The following CMIP variants were observed in gnomAD, a reference collection of about 807,000 sequenced individuals.
CMIP encodes the protein c-Maf inducing protein.
A neutral mutation model predicts 97.3 loss-of-function variants in CMIP; 13 were observed. The observed-to-expected ratio is 0.13, with a 90% CI of 0.09 to 0.21. CMIP has a LOEUF of 0.21. CMIP is among the 10% of genes least tolerant of loss of function. The probability of loss-of-function intolerance (pLI) is 1.00; values close to 1 mark genes in which losing one functional copy is unlikely to be tolerated. For synonymous variants in CMIP, 538 were observed against 436.3 expected (o/e 1.23, Z -2.91); for missense variants, 847 against 1,024.9 (o/e 0.83, Z 2.37).
chr16:81,699,623 A>G (rs902002213), intron 14 of CMIP, 62 bp from the exon 15 acceptor site: 2 of 1,106,078 alleles, frequency 1.8e-6, no homozygotes, highest in African/African-American at 3.1e-5. Flanking sequence ...ACTTCCTGCC[A>G]GCACGCTGGA....
chr16:81,485,789 G>A (rs1460995754), intron 1 of CMIP, among the ~76,000 whole-genome samples: 5 of 152,218 alleles, frequency 3.3e-5, no homozygotes, highest in Non-Finnish European at 1.5e-5. Flanking sequence ...ATTCCCAAAT[G>A]CAGAAGGGGA....
chr16:81,703,142 C>T (rs10454070), intron 17 of CMIP, among the ~76,000 whole-genome samples: 63,164 of 151,964 alleles, frequency 0.42, 13,708 homozygotes, highest in Middle Eastern at 0.49. Flanking sequence ...GGCTCCAGAC[C>T]TCTTGTCTCC....
chr16:81,608,173 G>C (rs2091775115), intron 2 of CMIP, among the ~76,000 whole-genome samples: 1 of 152,208 alleles, frequency 6.6e-6, no homozygotes, highest in Non-Finnish European at 1.5e-5. Flanking sequence ...AGTGCATTCT[G>C]TATGTACTGG....
chr16:81,469,964 G>A (rs180960184), intron 1 of CMIP, among the ~76,000 whole-genome samples: 3 of 152,284 alleles, frequency 2.0e-5, no homozygotes, highest in Admixed American at 2.0e-4. Flanking sequence ...GCAGCAGCAG[G>A]TAAAGAGCAG....
chr16:81,676,916 A>G (rs1479700630), intron 9 of CMIP, among the ~76,000 whole-genome samples: 1 of 152,094 alleles, frequency 6.6e-6, no homozygotes, highest in African/African-American at 2.4e-5. Flanking sequence ...CATGTGACAC[A>G]TGTGGGGAAG....
chr16:81,609,609 T>A (rs1268847799), intron 2 of CMIP, among the ~76,000 whole-genome samples: 2 of 152,192 alleles, frequency 1.3e-5, no homozygotes, highest in African/African-American at 4.8e-5. Context: ...CGTGGAGGAC[T>A]GGGAGCCCAG....
At chr16:81,445,565 C>A in intron 1 of CMIP, 24 bp downstream of exon 1, 1 of 1,534,384 alleles carries the variant, frequency 6.5e-7, no homozygotes, top group Non-Finnish European at 8.8e-7. Context: ...CGCGGCTGCA[C>A]CCCCGCCTCT....
chr16:81,613,505 G>T (rs1253756297), intron 2 of CMIP, among the ~76,000 whole-genome samples: 1 of 150,912 alleles, frequency 6.6e-6, no homozygotes, highest in Non-Finnish European at 1.5e-5. Flanking sequence ...ACAGCAGGAA[G>T]AACCTCTCTG....
chr16:81,470,852 G>A (rs909202165), intron 1 of CMIP, among the ~76,000 whole-genome samples: 3 of 152,218 alleles, frequency 2.0e-5, no homozygotes, highest in Non-Finnish European at 4.4e-5. Flanking sequence ...TGATCTCTTC[G>A]CTGTAGCCCT....
chr16:81,626,220 T>TGAGAATGTGTGTGA (rs1481363440), intron 3 of CMIP, among the ~76,000 whole-genome samples: 6 of 151,364 alleles, frequency 4.0e-5, no homozygotes, highest in Non-Finnish European at 7.4e-5. Flanking sequence ...TGTGTGCGCG[T>TGAGAATGTGTGTGA]GAGAATGTGT....
chr16:81,510,173 C>T (rs1177112799), intron 1 of CMIP, among the ~76,000 whole-genome samples: 1 of 152,146 alleles, frequency 6.6e-6, no homozygotes, highest in Admixed American at 6.5e-5. Context: ...TGCGGGGCTG[C>T]CACCCTCTTT....
At chr16:81,619,853 C>CA (rs2091969926) in intron 2 of CMIP, 1 of 152,130 alleles carries the variant, frequency 6.6e-6, no homozygotes, top group Non-Finnish European at 1.5e-5. Context: ...TGAGCCAGTC[C>CA]ACACACAGGA....
At chr16:81,592,401 C>T (rs189732979) in intron 1 of CMIP, among the ~76,000 whole-genome samples, 14 of 152,276 alleles carry the variant, frequency 9.2e-5, no homozygotes, top group African/African-American at 2.2e-4. Flanking sequence ...GAATGCCTGG[C>T]GCTCCCCTCC....
At chr16:81,664,187 T>C in intron 6 of CMIP, 82 bp from the exon 7 acceptor site, 1 of 1,340,762 alleles carries the variant, frequency 7.5e-7, no homozygotes, top group Non-Finnish European at 1.0e-6. Flanking sequence ...CTGGGCTGAC[T>C]GTCCCCAGCC....
At chr16:81,661,627 G>A (rs986901645) in intron 6 of CMIP, among the ~76,000 whole-genome samples, 5 of 152,170 alleles carry the variant, frequency 3.3e-5, no homozygotes, top group African/African-American at 7.2e-5. Flanking sequence ...ACGGTCACCC[G>A]CTGTCCTTTG....
At chr16:81,690,715 A>G (rs1905962717) in intron 10 of CMIP, among the ~76,000 whole-genome samples, 5 of 152,190 alleles carry the variant, frequency 3.3e-5, no homozygotes, top group Non-Finnish European at 7.3e-5. Context: ...ACCTGAGGCC[A>G]GGAGTTCAAG....
At chr16:81,699,578 C>T (rs551643870) in intron 14 of CMIP, 107 bp from the exon 15 acceptor site, 7 of 688,422 alleles carry the variant, frequency 1.0e-5, no homozygotes, top group South Asian at 1.7e-5. Flanking sequence ...GTCTGGACAG[C>T]GTGTAGGCAG....
chr16:81,477,303 CA>C (rs887078387), intron 1 of CMIP, among the ~76,000 whole-genome samples: 2 of 152,082 alleles, frequency 1.3e-5, no homozygotes, highest in African/African-American at 2.4e-5. Context: ...TACAAGCTTA[CA>C]CCACCACACC....
intron 1 of CMIP, chr16:81,476,391 C>A: frequency 8.8e-7 from 1 of 1,137,396 alleles, no homozygotes. Context: ...CAACTCCTTT[C>A]TCTCCAGTGC....
Sources: gnomAD v4.1 joint callset for allele counts (sites outside exome capture counted in the v4.1 genomes callset) on GRCh38, gnomAD v4.1.1 for gene constraint, MANE v1.5 for transcripts, NCBI Gene and HGNC (gene_info 2026-07-23, HGNC 2026-07-21) for gene names.